The following ANKIB1 variants were observed in gnomAD, a reference collection of about 807,000 sequenced individuals.
The protein encoded by ANKIB1 is ankyrin repeat and IBR domain-containing protein 1.
A neutral mutation model predicts 122.1 loss-of-function variants in ANKIB1; 43 were observed. The ratio of observed to expected loss-of-function variants is 0.35; its 90% confidence interval spans 0.28 to 0.45. The LOEUF (loss-of-function observed/expected upper bound fraction) is 0.45. Ranked by LOEUF, ANKIB1 falls within the 20% of genes least tolerant of loss-of-function variation. The pLI is 1.00. For missense variants in ANKIB1, 992 were observed against 1,329.5 expected (o/e 0.75, Z 3.95); for synonymous variants, 390 against 442.0 (o/e 0.88, Z 1.48).
chr7:92,312,667 C>T (rs1802714379), intron 3 of ANKIB1, among the ~76,000 whole-genome samples: 2 of 152,136 alleles, frequency 1.3e-5, no homozygotes, highest in South Asian at 4.2e-4. Context: ...CAGAAACAGG[C>T]AGCAGGTTTG....
intron 4 of ANKIB1, among the ~76,000 whole-genome samples, chr7:92,324,808 T>C (rs1802989905): frequency 6.6e-6 from 1 of 152,212 alleles, no homozygotes; most frequent in African/African-American, 2.4e-5. Context: ...ATAATTAAAC[T>C]ATAAATGGGT....
intron 1 of ANKIB1, among the ~76,000 whole-genome samples, chr7:92,257,829 A>C (rs932704510): frequency 6.6e-6 from 1 of 152,226 alleles, no homozygotes; most frequent in African/African-American, 2.4e-5. Context: ...AGATTATTCT[A>C]TCTTTCAACC....
intron 9 of ANKIB1, among the ~76,000 whole-genome samples, chr7:92,358,319 CT>C (rs776343014): frequency 2.0e-5 from 3 of 151,962 alleles, no homozygotes; most frequent in African/African-American, 7.2e-5. Context: ...TAAGCTGCTG[CT>C]TTTTTTTATA....
intron 11 of ANKIB1, among the ~76,000 whole-genome samples, 179 bp downstream of exon 11, chr7:92,371,786 T>C (rs1052727477): frequency 2.0e-5 from 3 of 152,038 alleles, no homozygotes; most frequent in Non-Finnish European, 2.9e-5. Flanking sequence ...AAGACCAGCC[T>C]GGGCAAAACA....
At chr7:92,259,452 G>A (rs1801515482) in intron 1 of ANKIB1, among the ~76,000 whole-genome samples, 1 of 151,976 alleles carries the variant, frequency 6.6e-6, no homozygotes, top group Non-Finnish European at 1.5e-5. Flanking sequence ...TTTGATATCT[G>A]TATATTAAAT....
At chr7:92,302,326 T>G (rs1001027840) in intron 2 of ANKIB1, among the ~76,000 whole-genome samples, 3 of 152,234 alleles carry the variant, frequency 2.0e-5, no homozygotes, top group African/African-American at 7.2e-5. Flanking sequence ...CTGTTTGGAA[T>G]AAGACCTTGA....
chr7:92,349,436 C>T (rs1395443369), intron 7 of ANKIB1, among the ~76,000 whole-genome samples: 1 of 152,008 alleles, frequency 6.6e-6, no homozygotes, highest in Non-Finnish European at 1.5e-5. Flanking sequence ...GTCGTTGCTG[C>T]TGTTGTTGTT....
chr7:92,332,078 G>A (rs1175641353), intron 5 of ANKIB1, among the ~76,000 whole-genome samples: 1 of 152,038 alleles, frequency 6.6e-6, no homozygotes, highest in South Asian at 2.1e-4. Flanking sequence ...CTGAATTTTC[G>A]TGCTTGGCAT....
intron 5 of ANKIB1, among the ~76,000 whole-genome samples, chr7:92,336,280 A>G (rs1339020140): frequency 6.8e-6 from 1 of 148,036 alleles, no homozygotes; most frequent in Admixed American, 6.7e-5. Context: ...CACAGTAAAA[A>G]TTTTTTTTTT....
intron 11 of ANKIB1, among the ~76,000 whole-genome samples, chr7:92,371,951 GTGTGTGTGT>G (rs1804267901): frequency 7.8e-4 from 2 of 2,554 alleles, no homozygotes; most frequent in Non-Finnish European, 1.5e-3. Context: ...TGAGAGAGGG[GTGTGTGTGT>G]GTGTGTGTGT....
chr7:92,354,098 T>G (rs985015320), intron 9 of ANKIB1, among the ~76,000 whole-genome samples: 1 of 152,214 alleles, frequency 6.6e-6, no homozygotes. Context: ...GTTTAGCTTT[T>G]AATTTCTTGA....
At chr7:92,356,295 A>G (rs1334393672) in intron 9 of ANKIB1, among the ~76,000 whole-genome samples, 1 of 152,202 alleles carries the variant, frequency 6.6e-6, no homozygotes, top group Non-Finnish European at 1.5e-5. Context: ...ATCTTTTCTT[A>G]CAAAACCAGT....
chr7:92,316,152 C>T (rs1585103678), intron 3 of ANKIB1, among the ~76,000 whole-genome samples: 1 of 152,070 alleles, frequency 6.6e-6, no homozygotes, highest in Non-Finnish European at 1.5e-5. Context: ...GGCTTAAAAC[C>T]ATATTTAAGT....
At chr7:92,395,694 C>T (rs936783942) in intron 17 of ANKIB1, among the ~76,000 whole-genome samples, 1 of 151,756 alleles carries the variant, frequency 6.6e-6, no homozygotes, top group African/African-American at 2.4e-5. Flanking sequence ...GCCACCACCA[C>T]GCCCGGCTAA....
chr7:92,335,855 C>T (rs1204866155), intron 5 of ANKIB1, among the ~76,000 whole-genome samples: 1 of 151,888 alleles, frequency 6.6e-6, no homozygotes, highest in Non-Finnish European at 1.5e-5. Context: ...GTTCCTCCTT[C>T]TCTGCTGTAT....
At chr7:92,259,440 A>G (rs1801515161) in intron 1 of ANKIB1, among the ~76,000 whole-genome samples, 1 of 152,076 alleles carries the variant, frequency 6.6e-6, no homozygotes, top group Non-Finnish European at 1.5e-5. Context: ...TTTTGTATTC[A>G]ATTTGATATC....
intron 3 of ANKIB1, among the ~76,000 whole-genome samples, chr7:92,309,081 CTTT>C (rs1802631715): frequency 6.6e-6 from 1 of 152,050 alleles, no homozygotes; most frequent in Non-Finnish European, 1.5e-5. Context: ...AGTGTCAATT[CTTT>C]GATTTCTAAT....
chr7:92,388,990 C>T (rs1177027310), intron 14 of ANKIB1, among the ~76,000 whole-genome samples: 1 of 152,162 alleles, frequency 6.6e-6, no homozygotes, highest in Non-Finnish European at 1.5e-5. Context: ...TCGTACAGCT[C>T]TTCAGCAGGG....
rs752540451 is a variant in ANKIB1 at position 92,307,395 on chromosome 7, G to A, written c.225G>A (p.Arg75=). ...FLGRDGNPNK[R]NVHNETSMHL... is the part of the protein sequence containing the mutation. ...GTAGAGATGGAAATCCAAATAAACG[G>A]AATGTGCACAATGAAACATCTATGC... Residue 75 remains arginine, a synonymous_variant, in exon 3 of 20, where the codon CGG becomes CGA. Coordinates refer to ENST00000265742, the MANE Select transcript of ANKIB1 (RefSeq NM_019004.2). The A allele has an allele frequency of 1.2e-6, 2 of 1,613,250 alleles. No homozygotes were observed. The highest frequency in any genetic ancestry group is 2.7e-5 in the African/African-American group (2 of 74,902).
Sources: allele counts gnomAD v4.1 joint callset (sites outside exome capture counted in the v4.1 genomes callset), GRCh38; gene constraint gnomAD v4.1.1; transcripts MANE v1.5; gene names NCBI Gene and HGNC (gene_info 2026-07-23, HGNC 2026-07-21).